The following NAV2 variants were observed in gnomAD, a reference collection of about 807,000 sequenced individuals.
NAV2 encodes the protein neuron navigator 2.
NAV2 carries 54 observed loss-of-function variants against 223.2 expected under a neutral mutation model. That is an observed-to-expected ratio of 0.24 (90% CI 0.19 to 0.30). The LOEUF is 0.30. Among genes scored for constraint, NAV2 ranks in the 10% least tolerant of loss-of-function variants. The pLI is 1.00. For missense variants in NAV2, 2,806 were observed against 3,147.5 expected (o/e 0.89, Z 2.60); for synonymous variants, 1,279 against 1,239.3 (o/e 1.03, Z -0.67).
At chr11:19,767,933 C>T (rs1015646041) in intron 1 of NAV2, among the ~76,000 whole-genome samples, 2 of 152,218 alleles carry the variant, frequency 1.3e-5, no homozygotes, top group East Asian at 3.9e-4. Flanking sequence ...TATCTCTTCC[C>T]TGCAGACGGG....
rs568571289 is a variant in NAV2 at position 20,107,532 on chromosome 11, C to T, written c.6842-132C>T. ...CATCCAGGGCTAGTATACCTGCGTT[C>T]AGGCCTCAGCCCTGCCATCCCTCAG... On this transcript the variant is annotated intron_variant, in intron 35 of 37. Transcript: ENST00000349880. The T allele has an allele frequency of 3.8e-4, 264 of 703,706 alleles. 2 individuals carry two copies. Among genetic ancestry groups the T allele is most frequent in the Admixed American group, 2.6e-3 (116 of 43,802 alleles). 43.6% of individuals were successfully genotyped at this position (703,706 alleles called of 1,614,324 possible).
At chr11:20,006,180 G>A (rs971805730) in intron 11 of NAV2, among the ~76,000 whole-genome samples, 3 of 152,188 alleles carry the variant, frequency 2.0e-5, no homozygotes, top group African/African-American at 4.8e-5. Flanking sequence ...AGGTCTTTCA[G>A]TTGTATGATT....
intron 1 of NAV2, among the ~76,000 whole-genome samples, chr11:19,797,278 C>A (rs74491176): frequency 2.2e-3 from 330 of 152,296 alleles, no homozygotes; most frequent in East Asian, 0.01. Flanking sequence ...CCTAACAATT[C>A]CTGAATCTCA....
At chr11:19,852,054 G>T (rs1400784516) in intron 3 of NAV2, among the ~76,000 whole-genome samples, 2 of 152,200 alleles carry the variant, frequency 1.3e-5, no homozygotes, top group Admixed American at 6.5e-5. Flanking sequence ...AAAGGAAACA[G>T]ATTCTCCTCT....
At chr11:19,609,835 C>T (rs953274231) in intron 1 of NAV2, among the ~76,000 whole-genome samples, 3 of 152,228 alleles carry the variant, frequency 2.0e-5, no homozygotes, top group Non-Finnish European at 4.4e-5. Flanking sequence ...TCAGTGGGTC[C>T]ATATTGGCTC....
chr11:19,915,240 T>TG (rs1321750583), intron 6 of NAV2, among the ~76,000 whole-genome samples: 1 of 152,192 alleles, frequency 6.6e-6, no homozygotes. Context: ...AGGTTTTCAG[T>TG]GGGGCACTGG....
At chr11:19,669,019 A>G (rs2048505455) in intron 1 of NAV2, among the ~76,000 whole-genome samples, 1 of 152,184 alleles carries the variant, frequency 6.6e-6, no homozygotes, top group Non-Finnish European at 1.5e-5. Context: ...AGACAGGTGA[A>G]TGGGAAAATC....
intron 1 of NAV2, among the ~76,000 whole-genome samples, chr11:19,619,704 G>T (rs2046924392): frequency 6.6e-6 from 1 of 152,182 alleles, no homozygotes; most frequent in Non-Finnish European, 1.5e-5. Flanking sequence ...CTCCCATTCT[G>T]TAGGTTGCCT....
chr11:19,967,454 T>C (rs911718645), intron 10 of NAV2, among the ~76,000 whole-genome samples: 140 of 152,200 alleles, frequency 9.2e-4, no homozygotes, highest in African/African-American at 3.3e-3. Context: ...CAAAACATAA[T>C]AGAAATGTTT....
intron 1 of NAV2, among the ~76,000 whole-genome samples, chr11:19,520,185 A>G (rs533027671): frequency 1.2e-4 from 18 of 152,324 alleles, no homozygotes; most frequent in African/African-American, 4.3e-4. Flanking sequence ...CCCTGGAAGG[A>G]TATGGCTGCC....
At chr11:19,906,940 A>C (rs1202420262) in intron 6 of NAV2, among the ~76,000 whole-genome samples, 1 of 152,130 alleles carries the variant, frequency 6.6e-6, no homozygotes, top group Non-Finnish European at 1.5e-5. Flanking sequence ...AGATGATCCA[A>C]ATGTCAGACT....
At chr11:19,631,370 C>T (rs1314237741) in intron 1 of NAV2, among the ~76,000 whole-genome samples, 1 of 151,128 alleles carries the variant, frequency 6.6e-6, no homozygotes, top group Admixed American at 6.6e-5. Flanking sequence ...GGTTTTTTGT[C>T]CTTGTGATAG....
chr11:19,400,560 G>A (rs145826642), intron 1 of NAV2, among the ~76,000 whole-genome samples: 303 of 152,246 alleles, frequency 2.0e-3, no homozygotes, highest in African/African-American at 4.6e-3. Flanking sequence ...ATTGTATGGC[G>A]GTGAGTAGGT....
intron 1 of NAV2, among the ~76,000 whole-genome samples, chr11:19,769,820 C>A (rs530936674): frequency 6.6e-6 from 1 of 152,264 alleles, no homozygotes; most frequent in East Asian, 1.9e-4. Flanking sequence ...CTTTTAGCAA[C>A]CACATTCCCT....
At chr11:19,639,432 A>G (rs891216877) in intron 1 of NAV2, among the ~76,000 whole-genome samples, 2 of 152,192 alleles carry the variant, frequency 1.3e-5, no homozygotes, top group Non-Finnish European at 2.9e-5. Context: ...TAAGTTCCCA[A>G]TAGTTATACT....
chr11:19,811,175 G>A (rs1265752306), intron 1 of NAV2, among the ~76,000 whole-genome samples: 1 of 152,134 alleles, frequency 6.6e-6, no homozygotes, highest in African/African-American at 2.4e-5. Flanking sequence ...TTTGAATCAG[G>A]TCCGGCTGAC....
intron 1 of NAV2, among the ~76,000 whole-genome samples, chr11:19,724,967 C>T (rs1489021132): frequency 6.6e-6 from 1 of 152,198 alleles, no homozygotes; most frequent in African/African-American, 2.4e-5. Flanking sequence ...GACAGGTCTG[C>T]CCTGTCAAGC....
At chr11:19,484,160 C>CA (rs2042369694) in intron 1 of NAV2, among the ~76,000 whole-genome samples, 2 of 52,802 alleles carry the variant, frequency 3.8e-5, no homozygotes, top group African/African-American at 9.2e-5. Flanking sequence ...ACACACACAC[C>CA]CCAAGTCTCA....
intron 1 of NAV2, among the ~76,000 whole-genome samples, chr11:19,588,373 C>T (rs1478302930): frequency 6.6e-6 from 1 of 152,162 alleles, no homozygotes; most frequent in Non-Finnish European, 1.5e-5. Flanking sequence ...TAGAGTTTCC[C>T]TTAGAGGGCA....
Sources: allele counts gnomAD v4.1 joint callset (sites outside exome capture counted in the v4.1 genomes callset), GRCh38; gene constraint gnomAD v4.1.1; transcripts MANE v1.5; gene names NCBI Gene and HGNC (gene_info 2026-07-23, HGNC 2026-07-21).